Variants in CCDC60 observed in about 807,000 individuals in gnomAD.
The protein encoded by CCDC60 is coiled-coil domain-containing protein 60.
CCDC60 carries 54 observed loss-of-function variants against 63.5 expected under a neutral mutation model. That is an observed-to-expected ratio of 0.85 (90% confidence interval 0.68 to 1.07). The LOEUF is 1.07. Ranked by LOEUF, CCDC60 falls within the 50% of genes least tolerant of loss-of-function variation. CCDC60 has a pLI of 0.00. For missense variants in CCDC60, 651 were observed against 684.3 expected (o/e 0.95, Z 0.54); for synonymous variants, 206 against 238.8 (o/e 0.86, Z 1.27).
rs772292253 is a variant in CCDC60, at chr12:119,360,494, A to AT, written c.90+25229dup. 2.0e-3 allele frequency among the ~76,000 whole-genome samples: 284 copies of AT among 145,350 alleles called. 1 individual carries two copies. Among genetic ancestry groups the AT allele is most frequent in the Non-Finnish European group, 3.0e-3 (203 of 66,658 alleles). On this transcript the variant is annotated intron_variant, in intron 1 of 13. Transcript: ENST00000327554. ...GGCGGAGAGGCTCCTCACTTCTCAG[A>AT]TGGGGCGGCTGCCGGGCGGAGGGTC...
intron 2 of CCDC60, among the ~76,000 whole-genome samples, chr12:119,467,096 T>C (rs560046762): frequency 2.0e-4 from 30 of 152,360 alleles, no homozygotes; most frequent in African/African-American, 7.2e-4. Flanking sequence ...ACTGCAAAAC[T>C]GCCCTGAGCT....
At chr12:119,453,957 A>T (rs557793081) in intron 2 of CCDC60, among the ~76,000 whole-genome samples, 7 of 152,324 alleles carry the variant, frequency 4.6e-5, no homozygotes, top group African/African-American at 1.7e-4. Flanking sequence ...TAATGTTACC[A>T]TGTATCGAAC....
chr12:119,460,903 C>T (rs531577209), intron 2 of CCDC60, among the ~76,000 whole-genome samples: 2 of 152,250 alleles, frequency 1.3e-5, no homozygotes, highest in African/African-American at 4.8e-5. Flanking sequence ...AAAGGTAAGC[C>T]ATTTGTTCCT....
At chr12:119,364,748 G>A (rs1955823786) in intron 1 of CCDC60, among the ~76,000 whole-genome samples, 1 of 152,228 alleles carries the variant, frequency 6.6e-6, no homozygotes, top group Non-Finnish European at 1.5e-5. Context: ...GCACAGAGGA[G>A]ATCCACGGGG....
intron 6 of CCDC60, among the ~76,000 whole-genome samples, chr12:119,503,268 C>T (rs1206765930): frequency 6.6e-6 from 1 of 152,174 alleles, no homozygotes; most frequent in Non-Finnish European, 1.5e-5. Flanking sequence ...TGGAAAGAGG[C>T]AACTTCTACA....
chr12:119,480,212 C>T (rs1319323514), intron 4 of CCDC60, among the ~76,000 whole-genome samples: 1 of 152,172 alleles, frequency 6.6e-6, no homozygotes, highest in Non-Finnish European at 1.5e-5. Flanking sequence ...CTCACTCAGT[C>T]CTCTCAGCCT....
intron 1 of CCDC60, among the ~76,000 whole-genome samples, chr12:119,367,915 G>A (rs1408991213): frequency 7.0e-6 from 1 of 141,938 alleles, no homozygotes; most frequent in Non-Finnish European, 1.6e-5. Context: ...TTTTTTTTTT[G>A]AGCTGATGAA....
At chr12:119,502,524 A>G (rs1951880202) in intron 6 of CCDC60, among the ~76,000 whole-genome samples, 1 of 152,224 alleles carries the variant, frequency 6.6e-6, no homozygotes, top group Non-Finnish European at 1.5e-5. Context: ...AATAAAAGGC[A>G]AGCCAGTGCC....
At chr12:119,468,002 C>T (rs979975121) in intron 2 of CCDC60, among the ~76,000 whole-genome samples, 8 of 152,066 alleles carry the variant, frequency 5.3e-5, no homozygotes, top group Admixed American at 1.3e-4. Context: ...CAGCCAGGCA[C>T]GGTGGCTCAT....
intron 1 of CCDC60, among the ~76,000 whole-genome samples, chr12:119,352,831 T>G (rs1042688620): frequency 6.6e-6 from 1 of 152,066 alleles, no homozygotes; most frequent in Non-Finnish European, 1.5e-5. Flanking sequence ...TCCAAGCTAC[T>G]TGGGAGGCTG....
At chr12:119,391,532 T>G (rs1956158347) in intron 1 of CCDC60, among the ~76,000 whole-genome samples, 2 of 152,250 alleles carry the variant, frequency 1.3e-5, no homozygotes, top group African/African-American at 4.8e-5. Context: ...TGGGCCTCAG[T>G]TTCTGCCTCT....
chr12:119,472,938 C>T (rs1951097066), intron 3 of CCDC60, among the ~76,000 whole-genome samples: 1 of 152,096 alleles, frequency 6.6e-6, no homozygotes, highest in Non-Finnish European at 1.5e-5. Context: ...TAGACTGGTC[C>T]ATTATGAAAT....
At chr12:119,403,945 T>A (rs1021494318) in intron 1 of CCDC60, among the ~76,000 whole-genome samples, 1 of 152,228 alleles carries the variant, frequency 6.6e-6, no homozygotes, top group African/African-American at 2.4e-5. Flanking sequence ...AACATATCCA[T>A]CACCTCACAT....
intron 1 of CCDC60, among the ~76,000 whole-genome samples, chr12:119,406,686 C>CCA (rs1956498341): frequency 7.4e-6 from 1 of 134,802 alleles, no homozygotes; most frequent in Non-Finnish European, 1.6e-5. Context: ...CTGAATATAG[C>CCA]AAAAAAAAAA....
rs1173825064 is a variant in CCDC60 at position 119,404,538 on chromosome 12, C to G, written c.91-24145C>G. On this transcript the variant is annotated intron_variant, in intron 1 of 13. Transcript: ENST00000327554. ...GACCCCCAGAGGGGCTCAGGAAGACCTTTTTGAATGGAGAAATATCTGGAC... is the reference window on the plus strand; with the variant it reads ...GACCCCCAGAGGGGCTCAGGAAGACGTTTTTGAATGGAGAAATATCTGGAC... 5.9e-5 allele frequency among the ~76,000 whole-genome samples: 9 copies of G among 152,256 alleles called. No homozygotes were observed. In the East Asian group the frequency reaches 1.5e-3, roughly 26 times the overall value.
rs553605770 is a variant in CCDC60, at chr12:119,530,191, C to A, written c.1362-683C>A. Among the ~76,000 whole-genome samples the A allele has an allele frequency of 9.9e-5, 15 of 150,904 alleles. No homozygotes were observed. In the South Asian group the frequency reaches 2.9e-3, roughly 30 times the overall value. The stretch of plus-strand genomic sequence containing the variant: ...AGAATATAAAGCAGTATGAGAAGCC[C>A]AAAACATATAATGGATGATCAGTTA... On this transcript the variant is annotated intron_variant, in intron 12 of 13. Transcript: ENST00000327554.
At chr12:119,490,962 C>T (rs1045069126) in intron 5 of CCDC60, among the ~76,000 whole-genome samples, 5 of 152,160 alleles carry the variant, frequency 3.3e-5, no homozygotes, top group Admixed American at 1.3e-4. Flanking sequence ...GTATGAAAGC[C>T]TTTATTCCCT....
At chr12:119,338,795 C>T (rs969350718) in intron 1 of CCDC60, among the ~76,000 whole-genome samples, 7 of 152,114 alleles carry the variant, frequency 4.6e-5, no homozygotes, top group Middle Eastern at 3.2e-3. Context: ...GTGGCCTCTC[C>T]CGGGGGAAGG....
In CCDC60 at chr12:119,428,721, C is replaced by T; in HGVS notation, c.129C>T (p.Asp43=). The change falls in exon 2 of 14, where the codon GAC becomes GAT. Residue 43 remains aspartate, a synonymous_variant. Coordinates refer to ENST00000327554, the MANE Select transcript of CCDC60 (RefSeq NM_178499.5). ...DKPMKSIKYM[D]KEIINLKKDL... is the part of the protein sequence containing the mutation. The stretch of plus-strand genomic sequence containing the variant: ...CAATGAAGAGCATCAAGTATATGGA[C>T]AAGGAAATAATAAACCTCAAAAAGG... 6.2e-7 allele frequency: 1 copy of T among 1,607,846 alleles called. No individual in the cohort carries two copies. Among genetic ancestry groups the T allele is most frequent in the Non-Finnish European group, 8.5e-7 (1 of 1,176,316 alleles).
Sources: gnomAD v4.1 joint callset for allele counts (sites outside exome capture counted in the v4.1 genomes callset) on GRCh38, gnomAD v4.1.1 for gene constraint, MANE v1.5 for transcripts, NCBI Gene and HGNC (gene_info 2026-07-23, HGNC 2026-07-21) for gene names.